ATRN: variants seen among roughly 807,000 people sequenced by gnomAD.
The protein encoded by ATRN is attractin-2.
A neutral mutation model predicts 178.7 loss-of-function variants in ATRN; 54 were observed. The observed-to-expected ratio is 0.30, with a 90% CI of 0.24 to 0.38. The LOEUF is 0.38. Ranked by LOEUF, ATRN falls within the 10% of genes least tolerant of loss-of-function variation. The pLI, the probability that ATRN is intolerant of heterozygous loss-of-function variation, is 1.00. For missense variants in ATRN, 1,443 were observed against 1,815.1 expected (o/e 0.79, Z 3.73); for synonymous variants, 636 against 663.0 (o/e 0.96, Z 0.63).
chr20:3,613,898 A>G (rs950371046), intron 24 of ATRN, among the ~76,000 whole-genome samples: 24 of 152,236 alleles, frequency 1.6e-4, no homozygotes, highest in African/African-American at 5.8e-4. Context: ...TTTTAAAGCA[A>G]AGTAACTGAG....
At chr20:3,628,803 C>A in intron 25 of ATRN, 1 of 794,830 alleles carries the variant, frequency 1.3e-6, no homozygotes, top group Non-Finnish European at 1.5e-6. Flanking sequence ...CGAGACTCTT[C>A]CAGCCGTCTC....
rs560549003 is a variant in ATRN, at chr20:3,644,157, G to A, written c.4054G>A (p.Val1352Ile). 112 of 1,612,616 alleles carry A rather than the reference G, an allele frequency of 6.9e-5. 2 individuals carry two copies. In the South Asian group the frequency reaches 1.2e-3, roughly 17 times the overall value. Residue 1352 changes from valine (V) to isoleucine (I), a missense_variant, in exon 28 of 29, where the codon GTT becomes ATT. Around this residue, in one of 4 missense-constraint regions of ATRN, gnomAD observed 289 missense variants for 440.8 expected, o/e 0.66. Transcript: ENST00000262919. Reference protein sequence around the residue: ...PDLIGGSIKTVPKPIALEPCF... With the variant: ...PDLIGGSIKTIPKPIALEPCF... ...TAATTTTGTTTTCTTCTGCCAGACTGTTCCCAAACCCATTGCACTGGAGCC... is the reference window on the plus strand; with the variant it reads ...TAATTTTGTTTTCTTCTGCCAGACTATTCCCAAACCCATTGCACTGGAGCC...
intron 6 of ATRN, among the ~76,000 whole-genome samples, chr20:3,552,225 T>C (rs1024598875): frequency 6.6e-6 from 1 of 152,240 alleles, no homozygotes; most frequent in Non-Finnish European, 1.5e-5. Context: ...TGCTGCCTGT[T>C]TATTCACTCT....
In ATRN at chr20:3,600,974, A is replaced by G. The variant is rs1658929129; in HGVS notation, c.3593A>G (p.Asn1198Ser). The G allele has an allele frequency of 4.3e-6, 7 of 1,613,872 alleles. No homozygotes were observed. Among genetic ancestry groups the G allele is most frequent in the African/African-American group, 1.3e-5 (1 of 74,918 alleles). Reference protein sequence around the residue: ...EQNRDLDMFINASKNFNLNIT... With the variant: ...EQNRDLDMFISASKNFNLNIT... ...AACAGGGATTTGGACATGTTCATCA[A>G]TGCCTCCAAGAATTTCAACCTCAAC... Residue 1198 changes from asparagine (N) to serine (S), a missense_variant, in exon 23 of 29, where the codon AAT becomes AGT. Asn to Ser is a conservative substitution (Grantham distance 46). Coordinates refer to ENST00000262919, the MANE Select transcript of ATRN (RefSeq NM_139321.3).
chr20:3,567,650 G>A (rs1712173686), intron 11 of ATRN, among the ~76,000 whole-genome samples: 2 of 152,154 alleles, frequency 1.3e-5, no homozygotes, highest in Admixed American at 1.3e-4. Context: ...AAGAAACTTC[G>A]ATTCACAGCA....
rs1489815706 is a variant in ATRN at position 3,604,153 on chromosome 20, T to A, written c.3692T>A (p.Ile1231Asn). The A allele has an allele frequency of 6.2e-7, 1 of 1,610,072 alleles. No individual in the cohort carries two copies. Among genetic ancestry groups the A allele is most frequent in the Non-Finnish European group, 8.5e-7 (1 of 1,179,032 alleles). ...EEMPVVSKTN[I>N]KEYKDSFSNE... ...ATGCCTGTTGTTTCAAAAACCAACATTAAGGAGTACAAAGATAGTTTCTCT... is the reference window on the plus strand; with the variant it reads ...ATGCCTGTTGTTTCAAAAACCAACAATAAGGAGTACAAAGATAGTTTCTCT... Residue 1231 changes from isoleucine (I) to asparagine (N), a missense_variant, in exon 24 of 29, where the codon ATT becomes AAT. By Grantham distance (149) the Ile-to-Asn change is moderately radical. Transcript: ENST00000262919.
At chr20:3,588,267 CT>C (rs1042652370) in intron 18 of ATRN, among the ~76,000 whole-genome samples, 69 of 152,058 alleles carry the variant, frequency 4.5e-4, no homozygotes, top group Middle Eastern at 3.4e-3. Flanking sequence ...TGTCTTGTTC[CT>C]TTTTTTAGGG....
chr20:3,535,394 T>C lies in ATRN; in HGVS notation c.494+58T>C. The C allele has an allele frequency of 3.3e-6, 3 of 919,566 alleles. No individual in the cohort carries two copies. In the East Asian group the frequency reaches 9.0e-5, roughly 28 times the overall value. 57.0% of individuals were successfully genotyped at this position (919,566 alleles called of 1,614,324 possible). ...TTTTAGCATAGAAGTCAGTGTGACA[T>C]TAGTTTTCCCACAAGTAAAATTAAC... is the stretch of plus-strand genomic sequence containing the variant. On this transcript the variant is annotated intron_variant, in intron 2 of 28. Coordinates refer to ENST00000262919, the MANE Select transcript of ATRN (RefSeq NM_139321.3).
intron 26 of ATRN, among the ~76,000 whole-genome samples, chr20:3,635,823 T>A (rs1316171279): frequency 6.6e-6 from 1 of 152,222 alleles, no homozygotes; most frequent in Non-Finnish European, 1.5e-5. Flanking sequence ...TATTATTTTT[T>A]AAATAAGTGG....
chr20:3,608,967 C>CAAAAAAA (rs758329997), intron 24 of ATRN, among the ~76,000 whole-genome samples: 1 of 58,278 alleles, frequency 1.7e-5, no homozygotes, highest in South Asian at 7.5e-4. Flanking sequence ...GACTCTGTCT[C>CAAAAAAA]AAAAAAAAAA....
chr20:3,478,434 A>G (rs1233072229), intron 1 of ATRN, among the ~76,000 whole-genome samples: 1 of 152,180 alleles, frequency 6.6e-6, no homozygotes, highest in East Asian at 1.9e-4. Context: ...GCTGGAAACC[A>G]TCATTCTTAG....
chr20:3,576,353 A>G (rs2086208659), intron 13 of ATRN, among the ~76,000 whole-genome samples: 1 of 152,152 alleles, frequency 6.6e-6, no homozygotes, highest in South Asian at 2.1e-4. Context: ...CTTGTTTTAT[A>G]TCTTGGTTTG....
chr20:3,557,352 T>A (rs1568727978), intron 6 of ATRN, among the ~76,000 whole-genome samples: 1 of 152,168 alleles, frequency 6.6e-6, no homozygotes, highest in Non-Finnish European at 1.5e-5. Flanking sequence ...CACAGACTTC[T>A]CCGTAGCAAC....
rs1399576707 is a variant in ATRN at position 3,604,205 on chromosome 20, C to T, written c.3744C>T (p.His1248=). 4 of 1,613,174 alleles carry T rather than the reference C, an allele frequency of 2.5e-6. No homozygotes were observed. The African/African-American group carries it at 4.0e-5, about 16-fold the overall frequency. Reference sequence around the variant, plus strand: ...ATGAGAAGTTTGATTTTCGCAACCACCCAAATATCACTTTCTTTGTTTATG... The same window carrying T: ...ATGAGAAGTTTGATTTTCGCAACCATCCAAATATCACTTTCTTTGTTTATG... ...FSNEKFDFRN[H]PNITFFVYVS... The change falls in exon 24 of 29, where the codon CAC becomes CAT. Residue 1248 remains histidine (H), a synonymous_variant. Transcript: ENST00000262919.
chr20:3,569,870 A>G (rs2086094081), intron 11 of ATRN, among the ~76,000 whole-genome samples: 1 of 152,170 alleles, frequency 6.6e-6, no homozygotes, highest in Non-Finnish European at 1.5e-5. Context: ...CAGGAGTTCA[A>G]CACCAGCCTG....
At chr20:3,485,333 G>A (rs2146077180) in intron 1 of ATRN, among the ~76,000 whole-genome samples, 1 of 152,088 alleles carries the variant, frequency 6.6e-6, no homozygotes, top group African/African-American at 2.4e-5. Context: ...TGTAATTAAT[G>A]AGCTAGTTCA....
rs1006559893 is a variant in ATRN at position 3,512,677 on chromosome 20, C to T, written c.411-22576C>T. The stretch of plus-strand genomic sequence containing the variant: ...TTCTAGTTCTAGATCCCTGAGGAAT[C>T]GCCACACTGACTTCCACAATGGTTG... On this transcript the variant is annotated intron_variant, in intron 1 of 28. Transcript: ENST00000262919. Among the ~76,000 whole-genome samples, 7 of 152,292 alleles carry T rather than the reference C, an allele frequency of 4.6e-5. No individual in the cohort carries two copies. The East Asian group carries it at 5.8e-4, about 13-fold the overall frequency.
intron 19 of ATRN, among the ~76,000 whole-genome samples, chr20:3,593,297 A>G (rs1320637980): frequency 2.0e-5 from 3 of 152,216 alleles, no homozygotes; most frequent in African/African-American, 4.8e-5. Flanking sequence ...TTTATAGAAT[A>G]CTGCAGATGG....
intron 1 of ATRN, among the ~76,000 whole-genome samples, chr20:3,527,360 A>T (rs1487058784): frequency 6.6e-6 from 1 of 152,210 alleles, no homozygotes; most frequent in Admixed American, 6.5e-5. Flanking sequence ...AATGCAAGTC[A>T]AAACCACAAT....
Sources: allele counts gnomAD v4.1 joint callset (sites outside exome capture counted in the v4.1 genomes callset), GRCh38; gene constraint gnomAD v4.1.1; regional missense constraint gnomAD v4.1.1; transcripts MANE v1.5; gene names NCBI Gene and HGNC (gene_info 2026-07-23, HGNC 2026-07-21).